RAB33A: variants seen among roughly 807,000 people sequenced by gnomAD.
The protein encoded by RAB33A is ras-related protein Rab-33A.
A neutral mutation model predicts 12.0 loss-of-function variants in RAB33A; 6 were observed. The ratio of observed to expected loss-of-function variants is 0.50; its 90% CI spans 0.27 to 0.99. RAB33A has a LOEUF of 0.99. Among genes scored for constraint, RAB33A ranks in the 50% least tolerant of loss-of-function variants. The pLI, the probability that RAB33A is intolerant of heterozygous loss-of-function variation, is 0.11. For synonymous variants in RAB33A, 70 were observed against 82.4 expected (o/e 0.85, Z 0.81); for missense variants, 109 against 192.0 (o/e 0.57, Z 2.55).
chrX:130,122,040 G>A, the RAB33A span, among the ~76,000 whole-genome samples: 4 of 112,401 alleles, frequency 3.6e-5, no homozygotes, highest in Non-Finnish European at 7.5e-5. Flanking sequence ...GATCATCTGA[G>A]AGGTCACTGG....
the RAB33A span, among the ~76,000 whole-genome samples, chrX:130,164,746 A>G: frequency 6.3e-5 from 7 of 111,581 alleles, no homozygotes; most frequent in South Asian, 7.5e-4. Flanking sequence ...AGTTGCAGCG[A>G]AGGGATTAAG....
chrX:130,165,274 G>A, the RAB33A span, among the ~76,000 whole-genome samples: 2 of 109,843 alleles, frequency 1.8e-5, no homozygotes, highest in Non-Finnish European at 3.8e-5. Flanking sequence ...CCGGGGAGGC[G>A]CCGACAGCCA....
chrX:130,115,375 A>G, the RAB33A span, among the ~76,000 whole-genome samples: 1 of 111,915 alleles, frequency 8.9e-6, no homozygotes, highest in Non-Finnish European at 1.9e-5. Flanking sequence ...CACTTTGGGA[A>G]GCCGAGGCAG....
At chrX:130,181,381 T>C (rs995062297) in intron 1 of RAB33A, among the ~76,000 whole-genome samples, 3 of 112,216 alleles carry the variant, frequency 2.7e-5, no homozygotes, top group Non-Finnish European at 3.8e-5. Flanking sequence ...TTAAGAGCCA[T>C]AGCAGTCAAT....
chrX:130,179,654 A>C (rs1323365195), intron 1 of RAB33A, among the ~76,000 whole-genome samples: 4 of 105,288 alleles, frequency 3.8e-5, no homozygotes, highest in Admixed American at 3.2e-4. Context: ...TTGCAGAAGC[A>C]AATCAGTCTT....
At chrX:130,126,761 G>A in the RAB33A span, among the ~76,000 whole-genome samples, 1 of 112,271 alleles carries the variant, frequency 8.9e-6, no homozygotes, top group Admixed American at 9.5e-5. Context: ...CAGCAATATG[G>A]TCCCCATCCT....
the RAB33A span, among the ~76,000 whole-genome samples, chrX:130,159,605 T>G: frequency 1.8e-5 from 2 of 111,016 alleles, no homozygotes; most frequent in African/African-American, 3.3e-5. Context: ...AAAATAAATT[T>G]TTTTTGTTTT....
chrX:130,112,348 A>G, the RAB33A span, among the ~76,000 whole-genome samples: 2 of 111,661 alleles, frequency 1.8e-5, no homozygotes, highest in Non-Finnish European at 3.8e-5. Flanking sequence ...TAGGTTCCGG[A>G]TGTCCCTAAG....
the RAB33A span, among the ~76,000 whole-genome samples, chrX:130,163,577 A>C: frequency 8.9e-6 from 1 of 112,010 alleles, no homozygotes; most frequent in East Asian, 2.8e-4. Flanking sequence ...AGGACAAAGA[A>C]CAAGTGTATG....
the RAB33A span, among the ~76,000 whole-genome samples, chrX:130,141,099 G>C: frequency 4.8e-3 from 536 of 112,069 alleles, 5 homozygotes; most frequent in African/African-American, 0.017. Context: ...CTGGGCAACA[G>C]AGCAAGATTC....
the RAB33A span, among the ~76,000 whole-genome samples, chrX:130,152,100 A>G: frequency 9.0e-6 from 1 of 110,724 alleles, no homozygotes; most frequent in Admixed American, 9.7e-5. Context: ...AGGGAAGAGA[A>G]GAGAAGAGAA....
At chrX:130,148,922 CT>C in the RAB33A span, among the ~76,000 whole-genome samples, 4,567 of 68,274 alleles carry the variant, frequency 0.067, 134 homozygotes, top group Non-Finnish European at 0.084. Flanking sequence ...TTTTAAGAGA[CT>C]TTTTTTTTTT....
At chrX:130,156,311 A>G in the RAB33A span, 1 of 634,714 alleles carries the variant, frequency 1.6e-6, no homozygotes, top group South Asian at 2.5e-5. Flanking sequence ...ATAAGATATT[A>G]GGCAGCAGGC....
At chrX:130,179,505 C>T (rs759195129) in intron 1 of RAB33A, among the ~76,000 whole-genome samples, 1 of 109,085 alleles carries the variant, frequency 9.2e-6, no homozygotes, top group East Asian at 2.9e-4. Context: ...GGATCAGGAG[C>T]CAAGTGGTAA....
chrX:130,169,246 A>G (rs1245520982), upstream of RAB33A, among the ~76,000 whole-genome samples: 1 of 110,628 alleles, frequency 9.0e-6, no homozygotes, highest in Non-Finnish European at 1.9e-5. Context: ...AAAGTAAGGT[A>G]AAAATTATTT....
the RAB33A span, chrX:130,129,544 C>G: frequency 8.3e-7 from 1 of 1,208,649 alleles, no homozygotes. Flanking sequence ...TTTGCCAATT[C>G]CACTGTGGGG....
the RAB33A span, chrX:130,130,281 C>A: frequency 1.2e-6 from 1 of 857,212 alleles, no homozygotes; most frequent in Non-Finnish European, 1.7e-6. Context: ...CAAGCTACTT[C>A]TAGAGGATTT....
At chrX:130,114,172 A>G in the RAB33A span, among the ~76,000 whole-genome samples, 1 of 112,036 alleles carries the variant, frequency 8.9e-6, no homozygotes, top group African/African-American at 3.2e-5. Flanking sequence ...GAAGGGCAGG[A>G]AGAGAGGTCA....
chrX:130,160,921 GA>G, the RAB33A span, among the ~76,000 whole-genome samples: 2 of 106,059 alleles, frequency 1.9e-5, no homozygotes, highest in East Asian at 5.7e-4. Context: ...TAAATAAAAT[GA>G]AAAAATAAAC....
Sources: allele counts gnomAD v4.1 joint callset (sites outside exome capture counted in the v4.1 genomes callset), GRCh38; gene constraint gnomAD v4.1.1; transcripts MANE v1.5; gene names NCBI Gene and HGNC (gene_info 2026-07-23, HGNC 2026-07-21).